VLDLR: variants seen among roughly 807,000 people sequenced by gnomAD.
VLDLR encodes very low-density lipoprotein receptor.
VLDLR carries 81 observed loss-of-function variants against 112.7 expected under a neutral mutation model. The ratio of observed to expected loss-of-function variants is 0.72; its 90% CI spans 0.60 to 0.86. The LOEUF (loss-of-function observed/expected upper bound fraction) is 0.86, where lower values mean the gene tolerates loss of function less well. VLDLR is among the 40% of genes least tolerant of loss of function. VLDLR has a pLI of 0.00. For synonymous variants in VLDLR, 436 were observed against 384.8 expected (o/e 1.13, Z -1.56); for missense variants, 1,237 against 1,099.4 (o/e 1.13, Z -1.77).
chr9:2,633,541 A>G (rs1417200977), intron 1 of VLDLR, among the ~76,000 whole-genome samples: 2 of 152,104 alleles, frequency 1.3e-5, no homozygotes, highest in Non-Finnish European at 2.9e-5. Context: ...CAAGGTTTCC[A>G]TTTTGATTAT....
At chr9:2,641,841 T>C (rs1046985147) in intron 4 of VLDLR, among the ~76,000 whole-genome samples, 1 of 152,082 alleles carries the variant, frequency 6.6e-6, no homozygotes, top group African/African-American at 2.4e-5. Flanking sequence ...ACAATAAAAT[T>C]AGAAGGTGAG....
chr9:2,645,746 G>A lies in VLDLR; in HGVS notation c.1484+1G>A, dbSNP rs1405666887. On this transcript the variant is annotated splice_donor_variant, in intron 10 of 18. Transcript: ENST00000382100. LOFTEE classifies it high-confidence loss of function. ...ATCTAAGCCAAAAGGCTATCTTCAG[G>A]TAACTTTCAGTTCCTTTTGTGGTGT... 4 of 1,614,102 alleles carry A rather than the reference G, an allele frequency of 2.5e-6. No individual in the cohort carries two copies. The highest frequency in any genetic ancestry group is 3.4e-6 in the Non-Finnish European group (4 of 1,180,024).
chr9:2,647,827 T>A, intron 12 of VLDLR: 3 of 618,880 alleles, frequency 4.8e-6, no homozygotes, highest in Non-Finnish European at 2.9e-6. Context: ...ACAAATTCAG[T>A]GAACGTTGGG....
At position 2,622,167 on chromosome 9, in the gene VLDLR, G is replaced by GCGGCGGCACCAT; in HGVS notation, c.-19_-18insGGCACCATCGGC. On this transcript the variant is annotated 5_prime_UTR_variant, in exon 1 of 19. Transcript: ENST00000382100. ...GCGAACGGCGGCGGCGGCGGCGGCGGCGGCACCATCCAGGCGGGCACCATG... is the reference window on the plus strand; with the variant it reads ...GCGAACGGCGGCGGCGGCGGCGGCGGCGGCGGCACCATCGGCACCATCCAGGCGGGCACCATG... 7.0e-7 allele frequency: 1 copy of GCGGCGGCACCAT among 1,421,746 alleles called. No homozygotes were observed. The highest frequency in any genetic ancestry group is 9.3e-7 in the Non-Finnish European group (1 of 1,077,328). The allele number at this position is 1,421,746 out of a possible 1,614,324, so 88.1% of individuals were successfully genotyped here.
chr9:2,653,819 C>T lies in VLDLR; in HGVS notation c.2587-14C>T. ...TGATCACCAAGCTCATTCTATACTT[C>T]TTCTTTTCCACAGATATCAGTTGTA... On this transcript the variant is annotated splice_polypyrimidine_tract_variant and intron_variant, in intron 18 of 18. Transcript: ENST00000382100. 1 of 1,613,874 alleles carries T rather than the reference C, an allele frequency of 6.2e-7. No homozygotes were observed.
intron 1 of VLDLR, among the ~76,000 whole-genome samples, chr9:2,633,051 A>AGAGAGAGAGAGTGTGT (rs1460780869): frequency 8.7e-6 from 1 of 115,400 alleles, no homozygotes; most frequent in Non-Finnish European, 1.8e-5. Context: ...AGAGAGAGAG[A>AGAGAGAGAGAGTGTGT]GTGTGTGTGT....
intron 7 of VLDLR, among the ~76,000 whole-genome samples, chr9:2,644,416 G>T (rs574313525): frequency 6.8e-6 from 1 of 147,492 alleles, no homozygotes; most frequent in Admixed American, 6.9e-5. Flanking sequence ...TGATCCACCC[G>T]CCTCGGCCTT....
Position 2,635,506 on chromosome 9 carries a change from A to G in VLDLR, c.136A>G (p.Ile46Val), listed in dbSNP as rs766320221. The change falls in exon 2 of 19, where the codon ATT (isoleucine) becomes GTT (valine). Residue 46 changes from isoleucine to valine, a missense_variant. Ile to Val is a conservative substitution (Grantham distance 29, BLOSUM62 3). Coordinates refer to ENST00000382100, the MANE Select transcript of VLDLR (RefSeq NM_003383.5). The part of the protein sequence containing the change: ...SQFQCTNGRC[I>V]TLLWKCDGDE... ...ATTCCAGTGCACAAATGGTCGCTGT[A>G]TTACGCTGTTGTGGAAATGTGATGG... 9.3e-6 allele frequency: 15 copies of G among 1,614,010 alleles called. No homozygotes were observed. In the Admixed American group the frequency reaches 2.2e-4, roughly 23 times the overall value.
At chr9:2,650,580 C>G in intron 15 of VLDLR, 64 bp downstream of exon 15, 3 of 1,599,346 alleles carry the variant, frequency 1.9e-6, no homozygotes, top group Non-Finnish European at 2.6e-6. Context: ...AAGACACAAG[C>G]TTGGATTTTT....
At chr9:2,641,255 T>G in intron 3 of VLDLR, 122 bp from the exon 4 acceptor site, 1 of 1,508,636 alleles carries the variant, frequency 6.6e-7, no homozygotes, top group Non-Finnish European at 9.1e-7. Flanking sequence ...AGCCAGTTAG[T>G]AGAATTTCAC....
At chr9:2,644,153 G>GTTTTTTTTTTTTT (rs59793046) in intron 7 of VLDLR, among the ~76,000 whole-genome samples, 194 bp downstream of exon 7, 7 of 96,378 alleles carry the variant, frequency 7.3e-5, no homozygotes, top group East Asian at 2.9e-4. Context: ...TGTTTTTGTT[G>GTTTTTTTTTTTTT]TTTTTTTTTT....
chr9:2,653,886 G>C lies in VLDLR; in HGVS notation c.*18G>C, dbSNP rs1818474004. 1 of 1,613,702 alleles carries C rather than the reference G, an allele frequency of 6.2e-7. No individual in the cohort carries two copies. The highest frequency in any genetic ancestry group is 1.7e-5 in the Admixed American group (1 of 60,008). On this transcript the variant is annotated 3_prime_UTR_variant, in exon 19 of 19. Coordinates refer to ENST00000382100, the MANE Select transcript of VLDLR (RefSeq NM_003383.5). Reference sequence around the variant, plus strand: ...TAGCTTGACTTCTGTGACAAATGTTGACCTTTGAGGTCTAAACAAATAATA... The same window carrying C: ...TAGCTTGACTTCTGTGACAAATGTTCACCTTTGAGGTCTAAACAAATAATA...
At chr9:2,624,911 C>T (rs867268251) in intron 1 of VLDLR, among the ~76,000 whole-genome samples, 16 of 152,340 alleles carry the variant, frequency 1.1e-4, no homozygotes, top group East Asian at 3.9e-4. Context: ...CTCTTGCCCA[C>T]TTTATGTGGC....
At chr9:2,636,753 G>A (rs991427284) in intron 2 of VLDLR, among the ~76,000 whole-genome samples, 1 of 152,100 alleles carries the variant, frequency 6.6e-6, no homozygotes, top group Non-Finnish European at 1.5e-5. Context: ...GCTATTTCTG[G>A]GTTACCTAGG....
At chr9:2,650,290 G>A in intron 14 of VLDLR, 80 bp from the exon 15 acceptor site, 1 of 1,584,896 alleles carries the variant, frequency 6.3e-7, no homozygotes, top group Non-Finnish European at 8.6e-7. Flanking sequence ...AAGGACTCAG[G>A]TCTTCAACAT....
intron 18 of VLDLR, 32 bp downstream of exon 18, chr9:2,652,981 G>A: frequency 1.2e-6 from 2 of 1,613,728 alleles, no homozygotes; most frequent in Non-Finnish European, 1.7e-6. Context: ...ATACACCATG[G>A]CTTGAAGTGA....
At position 2,635,590 on chromosome 9, in the gene VLDLR, T is replaced by C. The variant is rs1252584519; in HGVS notation, c.202+18T>C. On this transcript the variant is annotated intron_variant, in intron 2 of 18. Coordinates refer to ENST00000382100, the MANE Select transcript of VLDLR (RefSeq NM_003383.5). Reference sequence around the variant, plus strand: ...GAACTGTGGTAAGTAAAGAGTTTGATGACTTATGCATTTTGTTAAAATATG... The same window carrying C: ...GAACTGTGGTAAGTAAAGAGTTTGACGACTTATGCATTTTGTTAAAATATG... The C allele has an allele frequency of 6.2e-7, 1 of 1,614,032 alleles. No individual in the cohort carries two copies.
chr9:2,652,344 ATAAAT>A (rs1175415555), intron 17 of VLDLR, among the ~76,000 whole-genome samples: 1 of 152,218 alleles, frequency 6.6e-6, no homozygotes, highest in Admixed American at 6.5e-5. Flanking sequence ...CTTGTTGAGG[ATAAAT>A]TAAAAGCAGT....
At position 2,622,288 on chromosome 9, in the gene VLDLR, C is replaced by T; in HGVS notation, c.82+17C>T. ...CCGGAACCGGTGAGTGAGGACGCGC[C>T]CCTCCGCCGGCGGGCGGGACCCAGC... On this transcript the variant is annotated intron_variant, in intron 1 of 18. Transcript: ENST00000382100. The T allele has an allele frequency of 2.7e-6, 4 of 1,461,834 alleles. No individual in the cohort carries two copies. Among genetic ancestry groups the T allele is most frequent in the Non-Finnish European group, 3.6e-6 (4 of 1,111,062 alleles). 90.6% of individuals were successfully genotyped at this position (1,461,834 alleles called of 1,614,324 possible).
Sources: gnomAD v4.1 joint callset for allele counts (sites outside exome capture counted in the v4.1 genomes callset) on GRCh38, gnomAD v4.1.1 for gene constraint, MANE v1.5 for transcripts, NCBI Gene and HGNC (gene_info 2026-07-23, HGNC 2026-07-21) for gene names.